UHRF2: variants seen among roughly 807,000 people sequenced by gnomAD.
The protein encoded by UHRF2 is E3 ubiquitin-protein ligase UHRF2.
UHRF2 carries 23 observed loss-of-function variants against 96.8 expected under a neutral mutation model. That is an observed-to-expected ratio of 0.24 (90% CI 0.17 to 0.34). UHRF2 has a LOEUF of 0.34. UHRF2 is among the 10% of genes least tolerant of loss of function. The pLI is 1.00. For synonymous variants in UHRF2, 385 were observed against 332.6 expected (o/e 1.16, Z -1.72); for missense variants, 685 against 981.5 (o/e 0.70, Z 4.04).
At chr9:6,453,268 A>G (rs1037799649) in intron 3 of UHRF2, among the ~76,000 whole-genome samples, 1 of 152,208 alleles carries the variant, frequency 6.6e-6, no homozygotes, top group Non-Finnish European at 1.5e-5. Context: ...ACTTAGTTCA[A>G]AATCTTTCCA....
At chr9:6,498,532 G>A (rs372075143) in intron 12 of UHRF2, 2 of 160,022 alleles carry the variant, frequency 1.2e-5, no homozygotes, top group African/African-American at 4.8e-5. Flanking sequence ...GGGAAGGGTG[G>A]GGAGGTGGCT....
At chr9:6,463,389 A>G (rs1292898798) in intron 4 of UHRF2, among the ~76,000 whole-genome samples, 2 of 152,192 alleles carry the variant, frequency 1.3e-5, no homozygotes, top group African/African-American at 2.4e-5. Flanking sequence ...AATGTAAAGT[A>G]TTATTCTTTG....
At chr9:6,463,659 C>T (rs1232354882) in intron 4 of UHRF2, among the ~76,000 whole-genome samples, 2 of 152,062 alleles carry the variant, frequency 1.3e-5, no homozygotes, top group African/African-American at 2.4e-5. Context: ...TTAGTAGAGA[C>T]AGGGTTTCAC....
In UHRF2 at chr9:6,430,669, A is replaced by G. The variant is rs1017409478; in HGVS notation, c.385-3245A>G. Among the ~76,000 whole-genome samples, 9 of 152,126 alleles carry G rather than the reference A, an allele frequency of 5.9e-5. No homozygotes were observed. In the South Asian group the frequency reaches 1.7e-3, roughly 28 times the overall value. ...CCTGATCACCCACAGCCAGGTACCAAACAACTAGAGGCCACCCCTACAATC... is the reference window on the plus strand; with the variant it reads ...CCTGATCACCCACAGCCAGGTACCAGACAACTAGAGGCCACCCCTACAATC... On this transcript the variant is annotated intron_variant, in intron 2 of 15. Coordinates refer to ENST00000276893, the MANE Select transcript of UHRF2 (RefSeq NM_152896.3).
At chr9:6,457,856 G>A (rs1439347981) in intron 3 of UHRF2, among the ~76,000 whole-genome samples, 1 of 152,156 alleles carries the variant, frequency 6.6e-6, no homozygotes, top group Non-Finnish European at 1.5e-5. Flanking sequence ...GGATGAAGCC[G>A]ATTTTGATCG....
chr9:6,467,883 A>G (rs1822975375), intron 4 of UHRF2, among the ~76,000 whole-genome samples: 1 of 152,144 alleles, frequency 6.6e-6, no homozygotes, highest in Non-Finnish European at 1.5e-5. Context: ...TATTGAAACA[A>G]GAATTTTTTC....
chr9:6,426,566 G>C (rs1449041573), intron 2 of UHRF2, among the ~76,000 whole-genome samples: 2 of 152,044 alleles, frequency 1.3e-5, no homozygotes, highest in Non-Finnish European at 2.9e-5. Context: ...ATTTTGACTG[G>C]TGCCTTTATA....
chr9:6,473,239 T>C (rs1823358700), intron 4 of UHRF2, among the ~76,000 whole-genome samples: 1 of 152,166 alleles, frequency 6.6e-6, no homozygotes, highest in Non-Finnish European at 1.5e-5. Context: ...ATTTGAACAT[T>C]GATAAGAAAA....
intron 14 of UHRF2, 44 bp from the exon 15 acceptor site, chr9:6,504,549 T>C (rs1816483910): frequency 1.4e-6 from 2 of 1,389,322 alleles, no homozygotes; most frequent in Non-Finnish European, 2.0e-6. Flanking sequence ...TAGCATATTA[T>C]GAACTGCTAA....
In UHRF2 at chr9:6,456,527, T is replaced by G. The variant is rs1822187362; in HGVS notation, c.645-4046T>G. On this transcript the variant is annotated intron_variant, in intron 3 of 15. Transcript: ENST00000276893. ...AGTTTCTTTTGCTGTGCAGCAGCTC[T>G]TTAGTTTAATGAGATCCCATTTGTC... Among the ~76,000 whole-genome samples, 3 of 152,258 alleles carry G rather than the reference T, an allele frequency of 2.0e-5. No homozygotes were observed. The South Asian group carries it at 6.2e-4, about 31-fold the overall frequency.
intron 2 of UHRF2, among the ~76,000 whole-genome samples, chr9:6,432,670 C>T (rs1195888696): frequency 1.3e-5 from 2 of 152,310 alleles, no homozygotes; most frequent in South Asian, 2.1e-4. Context: ...ACTTCTCCCA[C>T]GAGGTATGCC....
chr9:6,479,496 C>G (rs1305161587), intron 6 of UHRF2, among the ~76,000 whole-genome samples: 2 of 152,168 alleles, frequency 1.3e-5, no homozygotes, highest in African/African-American at 4.8e-5. Flanking sequence ...GCACCATCCA[C>G]TTCTTTTCTA....
intron 8 of UHRF2, 141 bp from the exon 9 acceptor site, chr9:6,486,680 T>C: frequency 1.4e-6 from 1 of 722,254 alleles, no homozygotes; most frequent in African/African-American, 1.8e-5. Context: ...ACCAGGAGAT[T>C]TAAAATGAGA....
chr9:6,451,965 G>T (rs1037440467), intron 3 of UHRF2, among the ~76,000 whole-genome samples: 2 of 152,076 alleles, frequency 1.3e-5, no homozygotes, highest in African/African-American at 4.8e-5. Flanking sequence ...TTTAATAAAA[G>T]TGTATTGTGT....
Position 6,413,397 on chromosome 9 carries a change from C to G in UHRF2, c.-94C>G. The G allele has an allele frequency of 1.6e-6, 2 of 1,234,030 alleles. No homozygotes were observed. Among genetic ancestry groups the G allele is most frequent in the Non-Finnish European group, 2.1e-6 (2 of 971,932 alleles). The allele number at this position is 1,234,030 out of a possible 1,614,324, so 76.4% of individuals were successfully genotyped here. A position where few individuals can be genotyped will look rare whatever the true frequency, so the allele number is the denominator to read the frequency against. On this transcript the variant is annotated 5_prime_UTR_variant, in exon 1 of 16. Coordinates refer to ENST00000276893, the MANE Select transcript of UHRF2 (RefSeq NM_152896.3). ...CGCTCGCCCGCCTGCCGCTGAGGGC[C>G]CGAGCCGCAGGGAAAGCGGCGCGGG... is the stretch of plus-strand genomic sequence containing the variant.
At chr9:6,464,072 G>A (rs1235423700) in intron 4 of UHRF2, among the ~76,000 whole-genome samples, 1 of 152,158 alleles carries the variant, frequency 6.6e-6, no homozygotes, top group Non-Finnish European at 1.5e-5. Flanking sequence ...CAGTATGAGA[G>A]TTCCTGTTGT....
At chr9:6,461,351 CT>C (rs1822525429) in intron 4 of UHRF2, among the ~76,000 whole-genome samples, 1 of 91,564 alleles carries the variant, frequency 1.1e-5, no homozygotes, top group African/African-American at 4.6e-5. Context: ...CCCTCTCTCT[CT>C]CCCCCCCCTC....
intron 13 of UHRF2, among the ~76,000 whole-genome samples, chr9:6,500,165 T>C (rs1253149680): frequency 6.6e-6 from 1 of 152,036 alleles, no homozygotes; most frequent in African/African-American, 2.4e-5. Flanking sequence ...ATGGGGTTTC[T>C]CCATGTTGCC....
intron 8 of UHRF2, among the ~76,000 whole-genome samples, chr9:6,484,847 G>T (rs1433858810): frequency 7.9e-6 from 1 of 127,380 alleles, no homozygotes; most frequent in African/African-American, 3.1e-5. Flanking sequence ...AGGCTGGAGT[G>T]CAGTGGCACA....
Sources: gnomAD v4.1 joint callset for allele counts (sites outside exome capture counted in the v4.1 genomes callset) on GRCh38, gnomAD v4.1.1 for gene constraint, MANE v1.5 for transcripts, NCBI Gene and HGNC (gene_info 2026-07-23, HGNC 2026-07-21) for gene names.